The following NRXN1 variants were observed in gnomAD, a reference collection of about 807,000 sequenced individuals.
The protein encoded by NRXN1 is neurexin-1.
In NRXN1, 39 loss-of-function variants were observed where a neutral mutation model predicts 150.9. The ratio of observed to expected loss-of-function variants is 0.26; its 90% CI spans 0.20 to 0.34. The LOEUF (loss-of-function observed/expected upper bound fraction) is 0.34, where lower values mean the gene tolerates loss of function less well. Ranked by LOEUF, NRXN1 falls within the 10% of genes least tolerant of loss-of-function variation. NRXN1 has a pLI of 1.00. For synonymous variants in NRXN1, 924 were observed against 757.0 expected (o/e 1.22, Z -3.62); for missense variants, 1,815 against 1,949.9 (o/e 0.93, Z 1.30).
intron 21 of NRXN1, among the ~76,000 whole-genome samples, chr2:49,950,137 T>C (rs1013556533): frequency 1.1e-4 from 17 of 151,860 alleles, no homozygotes; most frequent in Admixed American, 1.1e-3. Context: ...CTGCAGAAAA[T>C]AATCCACTTG....
chr2:50,570,949 A>T (rs565332345), intron 8 of NRXN1, among the ~76,000 whole-genome samples: 2 of 152,172 alleles, frequency 1.3e-5, no homozygotes, highest in Non-Finnish European at 2.9e-5. Flanking sequence ...CACAGAAAGA[A>T]GTGGTTTGGG....
chr2:50,388,273 C>T (rs1353700704), intron 17 of NRXN1, among the ~76,000 whole-genome samples: 2 of 152,146 alleles, frequency 1.3e-5, no homozygotes, highest in East Asian at 1.9e-4. Context: ...TGGCACAGGG[C>T]TGATATCAAC....
chr2:50,674,196 T>C (rs780138584), intron 5 of NRXN1, among the ~76,000 whole-genome samples: 30 of 152,172 alleles, frequency 2.0e-4, no homozygotes, highest in Non-Finnish European at 8.8e-5. Context: ...TATGGAACTC[T>C]TGGTGATATT....
chr2:50,411,718 G>A (rs949040573), intron 17 of NRXN1, among the ~76,000 whole-genome samples: 14 of 148,750 alleles, frequency 9.4e-5, no homozygotes, highest in Non-Finnish European at 1.5e-4. Flanking sequence ...CCGCCCAGCC[G>A]CCACCCTGTC....
intron 21 of NRXN1, among the ~76,000 whole-genome samples, chr2:49,956,592 G>A (rs115850802): frequency 0.019 from 2,890 of 152,172 alleles, 84 homozygotes; most frequent in African/African-American, 0.065. Context: ...AGCAAGAAAA[G>A]TCCAAGGAGC....
At chr2:50,635,883 T>C (rs1683170553) in intron 5 of NRXN1, among the ~76,000 whole-genome samples, 1 of 152,180 alleles carries the variant, frequency 6.6e-6, no homozygotes, top group Non-Finnish European at 1.5e-5. Flanking sequence ...TGAAGGCTAC[T>C]TAAATTCTTT....
At chr2:50,030,305 T>C (rs1027451795) in intron 21 of NRXN1, among the ~76,000 whole-genome samples, 7 of 152,110 alleles carry the variant, frequency 4.6e-5, no homozygotes, top group African/African-American at 1.7e-4. Context: ...TCTGGCCAGT[T>C]CTATGATCTA....
At chr2:50,800,556 A>T (rs905087055) in intron 5 of NRXN1, among the ~76,000 whole-genome samples, 3 of 150,140 alleles carry the variant, frequency 2.0e-5, no homozygotes, top group Non-Finnish European at 4.4e-5. Flanking sequence ...TTAATAATGA[A>T]TTTTTTTTTT....
At chr2:50,155,936 G>C (rs147958856) in intron 18 of NRXN1, among the ~76,000 whole-genome samples, 1 of 151,580 alleles carries the variant, frequency 6.6e-6, no homozygotes, top group East Asian at 1.9e-4. Flanking sequence ...TAAAAAAGTA[G>C]AAATTTATTT....
chr2:50,956,724 A>G (rs956750988), intron 2 of NRXN1, among the ~76,000 whole-genome samples: 1 of 150,904 alleles, frequency 6.6e-6, no homozygotes, highest in African/African-American at 2.4e-5. Flanking sequence ...CAAAAAATAT[A>G]TAATAATAAT....
intron 18 of NRXN1, among the ~76,000 whole-genome samples, chr2:50,223,049 G>A (rs17040256): frequency 0.015 from 2,209 of 151,680 alleles, 136 homozygotes; most frequent in East Asian, 0.13. Flanking sequence ...ACTTTCATCC[G>A]TAGGCAACAA....
At chr2:50,309,430 G>C (rs1372904160) in intron 17 of NRXN1, among the ~76,000 whole-genome samples, 1 of 152,122 alleles carries the variant, frequency 6.6e-6, no homozygotes, top group East Asian at 1.9e-4. Flanking sequence ...TTGACAAAAT[G>C]ACCTCTTAGG....
intron 2 of NRXN1, among the ~76,000 whole-genome samples, chr2:51,009,890 T>C (rs1166696403): frequency 6.6e-6 from 1 of 151,854 alleles, no homozygotes; most frequent in Non-Finnish European, 1.5e-5. Flanking sequence ...ATTACTTCAT[T>C]ACCAGGAGAA....
chr2:50,658,326 T>A (rs1686788859), intron 5 of NRXN1, among the ~76,000 whole-genome samples: 1 of 151,152 alleles, frequency 6.6e-6, no homozygotes. Flanking sequence ...GCGACATCAG[T>A]GGTGAGCCTC....
rs571971973 is a variant in NRXN1, at chr2:50,224,472, C to T, written c.3546+12317G>A. The stretch of plus-strand genomic sequence containing the variant: ...ACTCTAAAGAGTATTGTTTAGTTAC[C>T]GTTCTTCTGACTAAGCCAAATAATA... On this transcript the variant is annotated intron_variant, in intron 18 of 22. Transcript: ENST00000401669. 6.9e-4 allele frequency among the ~76,000 whole-genome samples: 105 copies of T among 151,896 alleles called. 2 individuals are homozygous for T. In the South Asian group the frequency reaches 0.021, roughly 31 times the overall value.
At chr2:50,168,341 G>A (rs1400365997) in intron 18 of NRXN1, among the ~76,000 whole-genome samples, 1 of 152,144 alleles carries the variant, frequency 6.6e-6, no homozygotes, top group East Asian at 1.9e-4. Flanking sequence ...GGGAATTACA[G>A]ACACAAAGTT....
At chr2:50,635,425 G>A (rs952039505) in intron 5 of NRXN1, among the ~76,000 whole-genome samples, 2 of 150,912 alleles carry the variant, frequency 1.3e-5, no homozygotes, top group Non-Finnish European at 2.9e-5. Context: ...TGCCCGCCTC[G>A]GCCTCCCAAT....
chr2:50,196,169 A>G (rs1405701146), intron 18 of NRXN1, among the ~76,000 whole-genome samples: 1 of 150,762 alleles, frequency 6.6e-6, no homozygotes, highest in African/African-American at 2.4e-5. Flanking sequence ...TCCACTCCCT[A>G]TGTCCATCTG....
At chr2:50,974,087 C>A (rs1051534592) in intron 2 of NRXN1, among the ~76,000 whole-genome samples, 1 of 152,066 alleles carries the variant, frequency 6.6e-6, no homozygotes, top group African/African-American at 2.4e-5. Context: ...CCAAGTTTCC[C>A]AAACAGAGAT....
Sources: allele counts gnomAD v4.1 joint callset (sites outside exome capture counted in the v4.1 genomes callset), GRCh38; gene constraint gnomAD v4.1.1; transcripts MANE v1.5; gene names NCBI Gene and HGNC (gene_info 2026-07-23, HGNC 2026-07-21).